The following FHL2 variants were observed in gnomAD, a reference collection of about 807,000 sequenced individuals.
FHL2 encodes four and a half LIM domains 2.
FHL2 carries 20 observed loss-of-function variants against 32.7 expected under a neutral mutation model. That is an observed-to-expected ratio of 0.61 (90% CI 0.43 to 0.89). The LOEUF (loss-of-function observed/expected upper bound fraction) is 0.89. Ranked by LOEUF, FHL2 falls within the 40% of genes least tolerant of loss-of-function variation. FHL2 has a pLI of 0.00. For synonymous variants in FHL2, 123 were observed against 128.1 expected (o/e 0.96, Z 0.27); for missense variants, 311 against 358.6 (o/e 0.87, Z 1.07).
Position 105,373,718 on chromosome 2 carries a change from C to T in FHL2, c.172G>A (p.Asp58Asn), listed in dbSNP as rs139064045. The change falls in exon 4 of 7, where the codon GAC becomes AAC. Residue 58 changes from aspartate (D) to asparagine (N), a missense_variant. By Grantham distance (23) the Asp-to-Asn change is conservative. Transcript: ENST00000530340. ...AAACAGGCTTCATGCCAGTGCCGGT[C>T]CTTGTAAGACAAGTCCTGTGGGGCC... ...GCDCKDLSYK[D>N]RHWHEACFHC... 3 of 1,613,988 alleles carry T rather than the reference C, an allele frequency of 1.9e-6. No homozygotes were observed. The highest frequency in any genetic ancestry group is 1.7e-4 in the Middle Eastern group (1 of 5,908).
chr2:105,427,171 C>G (rs752623755), intron 1 of FHL2, among the ~76,000 whole-genome samples: 1 of 152,196 alleles, frequency 6.6e-6, no homozygotes, highest in Non-Finnish European at 1.5e-5. Context: ...CCAGGAAGTA[C>G]ATTTTTTACA....
chr2:105,372,418 C>T (rs1452705170), intron 4 of FHL2, among the ~76,000 whole-genome samples: 1 of 151,888 alleles, frequency 6.6e-6, no homozygotes, highest in African/African-American at 2.4e-5. Context: ...GTAGAGACAG[C>T]GTTTTACCAT....
chr2:105,365,120 A>T (rs991363635), intron 5 of FHL2, among the ~76,000 whole-genome samples: 1 of 152,158 alleles, frequency 6.6e-6, no homozygotes, highest in Non-Finnish European at 1.5e-5. Context: ...GCCTCTGAGC[A>T]TAGCATGACT....
chr2:105,383,848 G>A (rs948355232), intron 3 of FHL2, among the ~76,000 whole-genome samples: 1 of 152,180 alleles, frequency 6.6e-6, no homozygotes, highest in Non-Finnish European at 1.5e-5. Flanking sequence ...CCAAGGTCTC[G>A]CTTCAACTCA....
At chr2:105,437,732 G>A (rs1322502712) in intron 1 of FHL2, among the ~76,000 whole-genome samples, 4 of 152,012 alleles carry the variant, frequency 2.6e-5, no homozygotes, top group Non-Finnish European at 5.9e-5. Flanking sequence ...TATCAATATT[G>A]AGATTATTAC....
At chr2:105,379,087 T>G (rs1391159898) in intron 3 of FHL2, among the ~76,000 whole-genome samples, 1 of 152,198 alleles carries the variant, frequency 6.6e-6, no homozygotes, top group Non-Finnish European at 1.5e-5. Context: ...AGGGGTTCAA[T>G]TCAAGGGCCC....
chr2:105,377,268 G>A (rs192143749), intron 3 of FHL2, among the ~76,000 whole-genome samples: 5 of 152,308 alleles, frequency 3.3e-5, no homozygotes. Context: ...CTACTGAACA[G>A]TACTCTTAAC....
intron 3 of FHL2, chr2:105,377,915 G>A (rs766087187): frequency 5.5e-5 from 22 of 396,682 alleles, no homozygotes; most frequent in Non-Finnish European, 9.8e-5. Context: ...GAGGCATTAC[G>A]CCCAGAGGGG....
At chr2:105,374,699 C>T (rs1681339216) in intron 3 of FHL2, among the ~76,000 whole-genome samples, 1 of 152,104 alleles carries the variant, frequency 6.6e-6, no homozygotes, top group African/African-American at 2.4e-5. Flanking sequence ...ATAAGAGAAC[C>T]CTCCATATTT....
At chr2:105,402,960 A>T (rs1242721772), upstream of FHL2, among the ~76,000 whole-genome samples, 1 of 152,240 alleles carries the variant, frequency 6.6e-6, no homozygotes, top group Non-Finnish European at 1.5e-5. Context: ...CTTTGAAGTC[A>T]AGCCAGGATT....
At chr2:105,407,332 C>T (rs1001331901) in intron 1 of FHL2, among the ~76,000 whole-genome samples, 3 of 147,672 alleles carry the variant, frequency 2.0e-5, no homozygotes, top group African/African-American at 7.6e-5. Flanking sequence ...GTGGAGCTTG[C>T]AGTGAGCTGA....
Position 105,360,946 on chromosome 2 carries a change from A to G in FHL2, c.*337T>C, listed in dbSNP as rs1230896745. 1.1e-5 allele frequency: 2 copies of G among 186,180 alleles called. No homozygotes were observed. The highest frequency in any genetic ancestry group is 2.7e-4 in the East Asian group (2 of 7,312). 11.5% of individuals were successfully genotyped at this position (186,180 alleles called of 1,614,324 possible). On this transcript the variant is annotated 3_prime_UTR_variant, in exon 7 of 7. Transcript: ENST00000530340. ...CCTTATTGAGTTTAGAAAACTTTCA[A>G]GTTCGTGACATATGTTAATTGCACT...
downstream of FHL2, chr2:105,359,442 A>T (rs1431119470): frequency 6.6e-6 from 1 of 152,256 alleles, no homozygotes; most frequent in Non-Finnish European, 1.5e-5. Context: ...TAACACTCAG[A>T]TTAAGAAACT....
intron 1 of FHL2, among the ~76,000 whole-genome samples, chr2:105,420,576 A>G (rs759222799): frequency 6.6e-6 from 1 of 152,184 alleles, no homozygotes; most frequent in Admixed American, 6.5e-5. Flanking sequence ...ATGAGGAAGA[A>G]TCTAACAGAT....
chr2:105,421,395 C>T lies in FHL2; in HGVS notation c.-25+17004G>A, dbSNP rs112240365. Among the ~76,000 whole-genome samples the T allele has an allele frequency of 2.2e-3, 332 of 148,440 alleles. 1 individual carries two copies. The highest frequency in any genetic ancestry group is 6.0e-3 in the Admixed American group (90 of 15,036). On this transcript the variant is annotated intron_variant, in intron 1 of 5. Coordinates refer to the FHL2 transcript ENST00000393352. ...ATGCTGGGTGGAGTATTCACAAGCA[C>T]GCTACAGAAGGCCCAATGCCTGAAG...
chr2:105,389,399 G>A (rs1682555903), intron 2 of FHL2, among the ~76,000 whole-genome samples: 1 of 152,194 alleles, frequency 6.6e-6, no homozygotes. Flanking sequence ...ATTGAGAGCT[G>A]TTTTTCCAAC....
intron 3 of FHL2, among the ~76,000 whole-genome samples, chr2:105,381,815 A>G (rs1681911868): frequency 6.6e-6 from 1 of 152,220 alleles, no homozygotes; most frequent in African/African-American, 2.4e-5. Context: ...AACCACCCCA[A>G]CAAATAAAAA....
At chr2:105,426,622 G>T (rs1684276475) in intron 1 of FHL2, among the ~76,000 whole-genome samples, 1 of 152,200 alleles carries the variant, frequency 6.6e-6, no homozygotes, top group South Asian at 2.1e-4. Flanking sequence ...ATTACAGGAA[G>T]AGGCTAGAAG....
chr2:105,422,411 A>G (rs1684130651), intron 1 of FHL2, among the ~76,000 whole-genome samples: 1 of 152,166 alleles, frequency 6.6e-6, no homozygotes. Flanking sequence ...AGACAAAACT[A>G]CTTAGGAAGC....
Sources: allele counts gnomAD v4.1 joint callset (sites outside exome capture counted in the v4.1 genomes callset), GRCh38; gene constraint gnomAD v4.1.1; transcripts MANE v1.5; gene names NCBI Gene and HGNC (gene_info 2026-07-23, HGNC 2026-07-21).